Variants in MYO5C observed in about 807,000 individuals in gnomAD.
MYO5C encodes unconventional myosin-Vc.
In MYO5C, 194 loss-of-function variants were observed where a neutral mutation model predicts 235.7. The observed-to-expected ratio is 0.82, with a 90% confidence interval of 0.73 to 0.93. The LOEUF (loss-of-function observed/expected upper bound fraction) is 0.93. Ranked by LOEUF, MYO5C falls within the 40% of genes least tolerant of loss-of-function variation. The probability of loss-of-function intolerance (pLI) is 0.00; values close to 1 mark genes in which losing one functional copy is unlikely to be tolerated. For synonymous variants in MYO5C, 707 were observed against 754.8 expected (o/e 0.94, Z 1.04); for missense variants, 2,038 against 2,127.2 (o/e 0.96, Z 0.82).
chr15:52,245,688 C>T (rs906526018), intron 17 of MYO5C, among the ~76,000 whole-genome samples: 3 of 152,192 alleles, frequency 2.0e-5, no homozygotes, highest in African/African-American at 2.4e-5. Context: ...TCCCACTCAG[C>T]GTCTTCCCTA....
chr15:52,279,753 A>C (rs898805910), intron 2 of MYO5C, 79 bp from the exon 3 acceptor site: 354 of 1,359,954 alleles, frequency 2.6e-4, no homozygotes, highest in Non-Finnish European at 3.3e-4. Context: ...CCTTTGTCCT[A>C]TCCACCCCTC....
In MYO5C at chr15:52,248,727, C is replaced by T. The variant is rs917252559; in HGVS notation, c.1719G>A (p.Met573Ile). 2 of 1,614,074 alleles carry T rather than the reference C, an allele frequency of 1.2e-6. No homozygotes were observed. The highest frequency in any genetic ancestry group is 2.2e-5 in the South Asian group (2 of 91,080). ...LEKNRDTVYDMLVEILRASKF... is the reference protein window; with the variant it reads ...LEKNRDTVYDILVEILRASKF... ...TGCTTGCTCTCAGGATTTCAACCAGCATGTCATAGACGGTGTCTCTGTTTT... is the reference window on the plus strand; with the variant it reads ...TGCTTGCTCTCAGGATTTCAACCAGTATGTCATAGACGGTGTCTCTGTTTT... The change falls in exon 14 of 41, where the codon ATG becomes ATA. Residue 573 changes from methionine to isoleucine, a missense_variant. By Grantham distance (10) the Met-to-Ile change is conservative. Transcript: ENST00000261839.
chr15:52,234,718 C>G (rs2036038288), intron 23 of MYO5C, among the ~76,000 whole-genome samples: 1 of 152,186 alleles, frequency 6.6e-6, no homozygotes, highest in Non-Finnish European at 1.5e-5. Flanking sequence ...CTCGTCAGCA[C>G]CTGCACAGCC....
chr15:52,208,762 C>G (rs913226305), intron 35 of MYO5C, 119 bp from the exon 36 acceptor site: 24 of 706,108 alleles, frequency 3.4e-5, no homozygotes, highest in Non-Finnish European at 5.0e-5. Context: ...TTCACTAAAG[C>G]CTTTATCCAA....
rs763853100 is a variant in MYO5C, at chr15:52,246,894, G to T, written c.1979+23C>A. 5.0e-6 allele frequency: 8 copies of T among 1,586,236 alleles called. No individual in the cohort carries two copies. In the African/African-American group the frequency reaches 1.1e-4, roughly 21 times the overall value. On this transcript the variant is annotated intron_variant, in intron 16 of 40. Coordinates refer to ENST00000261839, the MANE Select transcript of MYO5C (RefSeq NM_018728.4). ...GAAACTGCCTTCCCACGTCTTCGCT[G>T]TGTGTTGCATAAGAACACTTACTCA...
intron 19 of MYO5C, among the ~76,000 whole-genome samples, chr15:52,243,990 C>T (rs2036280520): frequency 6.6e-6 from 1 of 152,226 alleles, no homozygotes; most frequent in African/African-American, 2.4e-5. Context: ...TGACATCTGT[C>T]CTTTGGATCT....
chr15:52,259,307 C>T (rs950200783), intron 10 of MYO5C, among the ~76,000 whole-genome samples: 31 of 151,406 alleles, frequency 2.0e-4, no homozygotes, highest in Admixed American at 9.2e-4. Flanking sequence ...GTAGTCCCAG[C>T]TACCCAGGAG....
intron 39 of MYO5C, 84 bp downstream of exon 39, chr15:52,196,225 C>A (rs1290965123): frequency 1.4e-6 from 2 of 1,392,602 alleles, no homozygotes; most frequent in Non-Finnish European, 1.9e-6. Flanking sequence ...AGGGTGCCCA[C>A]AGCTGGCTAA....
intron 14 of MYO5C, 98 bp downstream of exon 14, chr15:52,248,602 A>C: frequency 2.4e-6 from 2 of 845,302 alleles, no homozygotes; most frequent in Non-Finnish European, 2.0e-6. Context: ...ACACACACAC[A>C]CACACTCTCT....
intron 28 of MYO5C, 50 bp downstream of exon 28, chr15:52,224,851 T>C (rs1179718423): frequency 6.7e-7 from 1 of 1,499,634 alleles, no homozygotes; most frequent in Non-Finnish European, 9.2e-7. Flanking sequence ...TCCAATAGTC[T>C]ATTTATTATC....
rs779133127 is a variant in MYO5C at position 52,260,956 on chromosome 15, C to T, written c.1219G>A (p.Ala407Thr). The T allele has an allele frequency of 1.9e-6, 3 of 1,614,100 alleles. No homozygotes were observed. The highest frequency in any genetic ancestry group is 2.5e-6 in the Non-Finnish European group (3 of 1,180,048). ...ARDALAKKIY[A>T]HLFDFIVERI... ...TCCACAATGAAGTCGAACAGGTGAG[C>T]ATAGATCTTTTTGGCCAGTGCATCC... The change falls in exon 10 of 41, where the codon GCT becomes ACT. Residue 407 changes from alanine (A) to threonine (T), a missense_variant. By Grantham distance (58) the Ala-to-Thr change is moderately conservative (BLOSUM62 0). Transcript: ENST00000261839.
chr15:52,241,866 T>A (rs1464542847), intron 20 of MYO5C, among the ~76,000 whole-genome samples, 182 bp downstream of exon 20: 1 of 152,032 alleles, frequency 6.6e-6, no homozygotes, highest in African/African-American at 2.4e-5. Flanking sequence ...CCATTTCAGC[T>A]CCCTGAGTAG....
intron 4 of MYO5C, chr15:52,277,058 G>C: frequency 2.1e-6 from 1 of 467,876 alleles, no homozygotes; most frequent in South Asian, 1.6e-5. Context: ...TTTGGATACA[G>C]AGCCCCGGTC....
chr15:52,279,049 C>T, intron 3 of MYO5C, 32 bp from the exon 4 acceptor site: 4 of 1,572,562 alleles, frequency 2.5e-6, no homozygotes, highest in Non-Finnish European at 2.6e-6. Context: ...AGTTAAAATA[C>T]TCTTACTGCC....
Position 52,193,615 on chromosome 15 carries a change from G to T in MYO5C, c.*287C>A. 2.8e-6 allele frequency: 1 copy of T among 355,724 alleles called. No homozygotes were observed. The highest frequency in any genetic ancestry group is 5.1e-6 in the Non-Finnish European group (1 of 195,362). 22.0% of individuals were successfully genotyped at this position (355,724 alleles called of 1,614,324 possible). A position where few individuals can be genotyped will look rare whatever the true frequency, so the allele number is the denominator to read the frequency against. On this transcript the variant is annotated 3_prime_UTR_variant, in exon 41 of 41. Transcript: ENST00000261839. The stretch of plus-strand genomic sequence containing the variant: ...CCTGCCACAAGACAGAACAGATCAA[G>T]AGGCACGTGGAAGAAAATATGAGCC...
At chr15:52,290,610 C>A (rs2037367425) in intron 1 of MYO5C, among the ~76,000 whole-genome samples, 2 of 129,054 alleles carry the variant, frequency 1.5e-5, no homozygotes. Flanking sequence ...AATTAATGAG[C>A]AAGAGCAACC....
chr15:52,198,584 G>T (rs367697859), intron 38 of MYO5C, among the ~76,000 whole-genome samples: 3 of 151,800 alleles, frequency 2.0e-5, no homozygotes, highest in East Asian at 3.9e-4. Flanking sequence ...CTTTTTGTTT[G>T]TTTTTTTGTT....
chr15:52,257,103 T>G (rs2036600341), intron 10 of MYO5C, among the ~76,000 whole-genome samples: 1 of 152,248 alleles, frequency 6.6e-6, no homozygotes, highest in South Asian at 2.1e-4. Flanking sequence ...AGAACTTAGC[T>G]GCGAAGCTGC....
chr15:52,284,348 C>T (rs1385677206), intron 1 of MYO5C, among the ~76,000 whole-genome samples: 1 of 152,136 alleles, frequency 6.6e-6, no homozygotes, highest in Non-Finnish European at 1.5e-5. Flanking sequence ...CAAATGAGTA[C>T]CTCCTATGTG....
Sources: allele counts gnomAD v4.1 joint callset (sites outside exome capture counted in the v4.1 genomes callset), GRCh38; gene constraint gnomAD v4.1.1; transcripts MANE v1.5; gene names NCBI Gene and HGNC (gene_info 2026-07-23, HGNC 2026-07-21).